STMN2: variants seen among roughly 807,000 people sequenced by gnomAD.
The protein encoded by STMN2 is stathmin-2.
A neutral mutation model predicts 24.1 loss-of-function variants in STMN2; 2 were observed. The observed-to-expected ratio is 0.08, with a 90% CI of 0.03 to 0.26. STMN2 has a LOEUF of 0.26. Ranked by LOEUF, STMN2 falls within the 10% of genes least tolerant of loss-of-function variation. STMN2 has a pLI of 1.00. For synonymous variants in STMN2, 83 were observed against 77.5 expected (o/e 1.07, Z -0.37); for missense variants, 114 against 213.6 (o/e 0.53, Z 2.91).
rs1038144741 is a variant in STMN2 at position 79,612,981 on chromosome 8, G to A, written c.19+1767G>A. ...GCACCGAGCCCCTCCCAGCCAAGCG[G>A]GTGGCTCTGCAGAAAAGCTGGCTCG... On this transcript the variant is annotated intron_variant, in intron 1 of 4. Transcript: ENST00000220876. 7.2e-5 allele frequency among the ~76,000 whole-genome samples: 11 copies of A among 152,128 alleles called. No individual in the cohort carries two copies. The East Asian group carries it at 1.9e-3, about 27-fold the overall frequency.
At chr8:79,651,633 T>C (rs146194222) in intron 3 of STMN2, among the ~76,000 whole-genome samples, 64 of 152,344 alleles carry the variant, frequency 4.2e-4, no homozygotes, top group African/African-American at 1.5e-3. Context: ...AACACAAATA[T>C]AAACATTAAG....
intron 4 of STMN2, among the ~76,000 whole-genome samples, chr8:79,661,891 C>G (rs151198243): frequency 6.6e-6 from 1 of 152,200 alleles, no homozygotes; most frequent in Non-Finnish European, 1.5e-5. Context: ...TTTTATATTG[C>G]AAGTGCATAG....
At chr8:79,643,647 A>C (rs1444561755) in intron 3 of STMN2, among the ~76,000 whole-genome samples, 1 of 152,184 alleles carries the variant, frequency 6.6e-6, no homozygotes, top group African/African-American at 2.4e-5. Flanking sequence ...GATCAACAAA[A>C]TTAACTAGGT....
intron 3 of STMN2, among the ~76,000 whole-genome samples, chr8:79,644,152 T>C (rs911829593): frequency 6.6e-6 from 1 of 152,234 alleles, no homozygotes; most frequent in African/African-American, 2.4e-5. Flanking sequence ...TCAGTAATTA[T>C]GTTAGTAAGG....
intron 1 of STMN2, among the ~76,000 whole-genome samples, chr8:79,618,137 C>T (rs1408184282): frequency 6.6e-6 from 1 of 152,234 alleles, no homozygotes; most frequent in Non-Finnish European, 1.5e-5. Flanking sequence ...TTTATTTAAA[C>T]AGACCAGAGA....
intron 4 of STMN2, among the ~76,000 whole-genome samples, chr8:79,662,170 A>G (rs1158203451): frequency 2.0e-5 from 3 of 152,156 alleles, no homozygotes; most frequent in Non-Finnish European, 4.4e-5. Flanking sequence ...CAACTTTCAT[A>G]CATCTTTTTT....
intron 1 of STMN2, among the ~76,000 whole-genome samples, 186 bp downstream of exon 1, chr8:79,611,400 A>G (rs1291413272): frequency 1.3e-5 from 2 of 152,190 alleles, no homozygotes; most frequent in African/African-American, 4.8e-5. Flanking sequence ...ATGGAAATCT[A>G]AAGCGAAGAA....
intron 1 of STMN2, among the ~76,000 whole-genome samples, chr8:79,612,401 A>G (rs527528543): frequency 2.6e-5 from 4 of 152,332 alleles, no homozygotes; most frequent in South Asian, 4.1e-4. Flanking sequence ...GAACCTAGAC[A>G]TGTGTATGTA....
At chr8:79,633,462 TAAAAC>T (rs1323681056) in intron 1 of STMN2, among the ~76,000 whole-genome samples, 2 of 152,218 alleles carry the variant, frequency 1.3e-5, no homozygotes, top group Admixed American at 6.5e-5. Flanking sequence ...TTTTAGCTGA[TAAAAC>T]AAAGTACCAT....
In STMN2 at chr8:79,665,671, T is replaced by G. The variant is rs1806583129; in HGVS notation, c.*797T>G. On this transcript the variant is annotated 3_prime_UTR_variant, in exon 5 of 5. Coordinates refer to ENST00000220876, the MANE Select transcript of STMN2 (RefSeq NM_007029.4). Reference sequence around the variant, plus strand: ...GGGCTTAATTCTCTAGTTTAAGTTCTTTTGATGGAATGAATTAATTAATGT... The same window carrying G: ...GGGCTTAATTCTCTAGTTTAAGTTCGTTTGATGGAATGAATTAATTAATGT... The G allele has an allele frequency of 6.5e-6, 1 of 154,428 alleles. No homozygotes were observed. The highest frequency in any genetic ancestry group is 1.5e-5 in the Non-Finnish European group (1 of 68,228). The allele number at this position is 154,428 out of a possible 1,614,324, so 9.6% of individuals were successfully genotyped here. A position where few individuals can be genotyped will look rare whatever the true frequency, so the allele number is the denominator to read the frequency against.
chr8:79,664,934 G>T lies in STMN2; in HGVS notation c.*60G>T. On this transcript the variant is annotated 3_prime_UTR_variant, in exon 5 of 5. Transcript: ENST00000220876. ...AAATCCCCCTGCCTATATTATAATG[G>T]ATCATGCGATATCAGGATGGGGAAT... The T allele has an allele frequency of 6.8e-7, 1 of 1,476,608 alleles. No homozygotes were observed. 91.5% of individuals were successfully genotyped at this position (1,476,608 alleles called of 1,614,324 possible). A position where few individuals can be genotyped will look rare whatever the true frequency, so the allele number is the denominator to read the frequency against.
intron 1 of STMN2, among the ~76,000 whole-genome samples, chr8:79,629,667 T>C (rs1249399558): frequency 6.6e-6 from 1 of 152,200 alleles, no homozygotes; most frequent in Non-Finnish European, 1.5e-5. Flanking sequence ...TTGTGGCCTT[T>C]GCCTGAAATA....
At chr8:79,634,486 T>G (rs1407990753) in intron 1 of STMN2, among the ~76,000 whole-genome samples, 1 of 152,368 alleles carries the variant, frequency 6.6e-6, no homozygotes, top group Non-Finnish European at 1.5e-5. Flanking sequence ...TAGCAGATCC[T>G]CAGGATGTGT....
intron 1 of STMN2, among the ~76,000 whole-genome samples, chr8:79,612,517 G>C (rs1809264477): frequency 6.6e-6 from 1 of 152,242 alleles, no homozygotes; most frequent in South Asian, 2.1e-4. Context: ...GCCAAATATC[G>C]GCAATTTCAT....
Position 79,613,359 on chromosome 8 carries a change from C to A in STMN2, c.19+2145C>A, listed in dbSNP as rs565300858. 1.2e-4 allele frequency: 114 copies of A among 984,006 alleles called. 1 individual carries two copies. The African/African-American group carries it at 2.0e-3, about 17-fold the overall frequency. The allele number at this position is 984,006 out of a possible 1,614,324, so 61.0% of individuals were successfully genotyped here. A position where few individuals can be genotyped will look rare whatever the true frequency, so the allele number is the denominator to read the frequency against. ...GAGCGCAGCCAGCCCTGCAGAGCCCCGCGCCGCGCCCTGCGCTCCCCTCCC... is the reference window on the plus strand; with the variant it reads ...GAGCGCAGCCAGCCCTGCAGAGCCCAGCGCCGCGCCCTGCGCTCCCCTCCC... On this transcript the variant is annotated intron_variant, in intron 1 of 4. Transcript: ENST00000220876.
At chr8:79,658,264 C>T (rs376051441) in intron 4 of STMN2, among the ~76,000 whole-genome samples, 2 of 152,014 alleles carry the variant, frequency 1.3e-5, no homozygotes, top group South Asian at 4.2e-4. Context: ...AAATATTGTG[C>T]CACTGCACTC....
At chr8:79,638,124 T>A (rs1283525494) in intron 2 of STMN2, among the ~76,000 whole-genome samples, 4 of 152,238 alleles carry the variant, frequency 2.6e-5, no homozygotes, top group Non-Finnish European at 5.9e-5. Context: ...GATCCAGCTA[T>A]GTTTCTTATG....
At chr8:79,659,293 G>A (rs1328344679) in intron 4 of STMN2, among the ~76,000 whole-genome samples, 1 of 152,150 alleles carries the variant, frequency 6.6e-6, no homozygotes, top group East Asian at 1.9e-4. Flanking sequence ...CTAGTCTGTG[G>A]ATTATGACTG....
At chr8:79,638,163 T>C (rs988171573) in intron 2 of STMN2, among the ~76,000 whole-genome samples, 1 of 152,260 alleles carries the variant, frequency 6.6e-6, no homozygotes, top group African/African-American at 2.4e-5. Flanking sequence ...GGGTTGTCAC[T>C]GAGGATCCAG....
Sources: allele counts gnomAD v4.1 joint callset (sites outside exome capture counted in the v4.1 genomes callset), GRCh38; gene constraint gnomAD v4.1.1; transcripts MANE v1.5; gene names NCBI Gene and HGNC (gene_info 2026-07-23, HGNC 2026-07-21).